The following TCAIM variants were observed in gnomAD, a reference collection of about 807,000 sequenced individuals.
The protein encoded by TCAIM is T cell activation inhibitor, mitochondrial.
A neutral mutation model predicts 58.6 loss-of-function variants in TCAIM; 36 were observed. The ratio of observed to expected loss-of-function variants is 0.61; its 90% CI spans 0.47 to 0.81. The LOEUF is 0.81. Among genes scored for constraint, TCAIM ranks in the 30% least tolerant of loss-of-function variants. TCAIM has a pLI of 0.00. For synonymous variants in TCAIM, 172 were observed against 193.6 expected, an observed-to-expected ratio of 0.89 and a Z score of 0.93; for missense variants, 466 against 579.6, an observed-to-expected ratio of 0.80 and a Z score of 2.01.
At chr3:44,354,631 A>C (rs866339653) in intron 1 of TCAIM, 108 bp from the exon 2 acceptor site, 1 of 694,010 alleles carries the variant, frequency 1.4e-6, no homozygotes, top group Non-Finnish European at 2.3e-6. Context: ...CATATTTTAT[A>C]AGATTAATAA....
At chr3:44,398,991 G>T (rs867022064) in intron 8 of TCAIM, among the ~76,000 whole-genome samples, 4 of 152,226 alleles carry the variant, frequency 2.6e-5, no homozygotes, top group Non-Finnish European at 4.4e-5. Context: ...AGGAAGGAAA[G>T]ATTAGTGGTT....
In TCAIM at chr3:44,407,564, A is replaced by T. The variant is rs780923848; in HGVS notation, c.1373A>T (p.Glu458Val). 56 of 1,613,910 alleles carry T rather than the reference A, an allele frequency of 3.5e-5. No individual in the cohort carries two copies. The highest frequency in any genetic ancestry group is 4.5e-5 in the Non-Finnish European group (53 of 1,179,992). ...GTGGATTGTTGTAAGAGACTTCTAG[A>T]ACAATCACTGCCTTACCTACATGGG... The part of the protein sequence containing the change: ...QMVDCCKRLL[E>V]QSLPYLHGMH... The change falls in exon 11 of 11, where the codon GAA (glutamate) becomes GTA (valine). Residue 458 changes from glutamate (E) to valine (V), a missense_variant. Glu to Val is a moderately radical substitution (Grantham distance 121, BLOSUM62 -2). Transcript: ENST00000342649.
At chr3:44,389,627 G>A (rs966751737) in intron 5 of TCAIM, among the ~76,000 whole-genome samples, 1 of 152,060 alleles carries the variant, frequency 6.6e-6, no homozygotes, top group Non-Finnish European at 1.5e-5. Flanking sequence ...TAGTAGTGAT[G>A]TAAATTAAGA....
chr3:44,398,493 A>G (rs1701973731), intron 8 of TCAIM, among the ~76,000 whole-genome samples: 1 of 151,544 alleles, frequency 6.6e-6, no homozygotes, highest in Admixed American at 6.6e-5. Flanking sequence ...AGATAGATAG[A>G]TAGATAAAAC....
intron 5 of TCAIM, among the ~76,000 whole-genome samples, chr3:44,388,971 G>C (rs1265693441): frequency 6.6e-6 from 1 of 152,194 alleles, no homozygotes; most frequent in Non-Finnish European, 1.5e-5. Flanking sequence ...TCAGTGGCCA[G>C]AGCCAGGAAA....
At chr3:44,364,239 TAAA>T (rs77542917) in intron 4 of TCAIM, among the ~76,000 whole-genome samples, 1 of 141,552 alleles carries the variant, frequency 7.1e-6, no homozygotes. Flanking sequence ...GACTGTCATT[TAAA>T]AAAAAAAAAA....
intron 5 of TCAIM, among the ~76,000 whole-genome samples, chr3:44,372,493 T>C (rs1701494093): frequency 6.6e-6 from 1 of 152,206 alleles, no homozygotes; most frequent in Non-Finnish European, 1.5e-5. Flanking sequence ...TGCTGAATTA[T>C]ATAGTTCAGA....
intron 1 of TCAIM, among the ~76,000 whole-genome samples, chr3:44,351,075 TC>T (rs1701078761): frequency 6.6e-6 from 1 of 152,216 alleles, no homozygotes; most frequent in African/African-American, 2.4e-5. Flanking sequence ...CGATCTCGGC[TC>T]ACTGCAACAT....
chr3:44,383,980 T>G (rs958042190), intron 5 of TCAIM, among the ~76,000 whole-genome samples: 3 of 152,162 alleles, frequency 2.0e-5, no homozygotes, highest in Admixed American at 6.5e-5. Flanking sequence ...TTTACTTGTT[T>G]ATAGGTAATT....
At chr3:44,343,582 T>C (rs138688117) in intron 1 of TCAIM, among the ~76,000 whole-genome samples, 1 of 152,242 alleles carries the variant, frequency 6.6e-6, no homozygotes, top group South Asian at 2.1e-4. Flanking sequence ...TTAACACATC[T>C]CTATTTAGAC....
At chr3:44,339,002 T>C (rs1424734081) in intron 1 of TCAIM, among the ~76,000 whole-genome samples, 168 bp downstream of exon 1, 2 of 152,218 alleles carry the variant, frequency 1.3e-5, no homozygotes, top group African/African-American at 4.8e-5. Flanking sequence ...TTTAACTCGC[T>C]GTGAAATGAG....
chr3:44,354,891 A>G (rs570767910), intron 2 of TCAIM, 80 bp downstream of exon 2: 1 of 1,494,396 alleles, frequency 6.7e-7, no homozygotes, highest in Admixed American at 2.2e-5. Flanking sequence ...TCAGTTTGTT[A>G]TTATTTTTCC....
rs532895762 is a variant in TCAIM at position 44,386,835 on chromosome 3, C to T, written c.573-6020C>T. Among the ~76,000 whole-genome samples the T allele has an allele frequency of 2.8e-4, 43 of 152,340 alleles. 1 individual carries two copies. The highest frequency in any genetic ancestry group is 1.9e-3 in the South Asian group (9 of 4,832). ...GCACAAACAGCCTGGGTACCATGGA[C>T]GGCATGTTGATGGCAGGAGGTAGAT... On this transcript the variant is annotated intron_variant, in intron 5 of 10. Transcript: ENST00000342649.
At chr3:44,397,909 T>G (rs4682977) in intron 8 of TCAIM, among the ~76,000 whole-genome samples, 71,936 of 151,702 alleles carry the variant, frequency 0.47, 18,644 homozygotes, top group East Asian at 0.81. Context: ...ACCGTATATC[T>G]GACAAAGACA....
intron 1 of TCAIM, among the ~76,000 whole-genome samples, chr3:44,342,090 C>T (rs961587016): frequency 6.6e-6 from 1 of 152,016 alleles, no homozygotes; most frequent in Non-Finnish European, 1.5e-5. Flanking sequence ...TTCTTTATTA[C>T]TAGTATTAGA....
rs1702126024 is a variant in TCAIM at position 44,407,911 on chromosome 3, A to G, written c.*229A>G. 3 of 372,622 alleles carry G rather than the reference A, an allele frequency of 8.1e-6. No homozygotes were observed. Among genetic ancestry groups the G allele is most frequent in the Non-Finnish European group, 1.4e-5 (3 of 214,306 alleles). The allele number at this position is 372,622 out of a possible 1,614,324, so 23.1% of individuals were successfully genotyped here. On this transcript the variant is annotated 3_prime_UTR_variant, in exon 11 of 11. Coordinates refer to ENST00000342649, the MANE Select transcript of TCAIM (RefSeq NM_173826.4). ...AGCTACTTAGGGAGGCTAAGATAGGAGGATCACTTGAGCCCAGGAGGCCAA... is the reference window on the plus strand; with the variant it reads ...AGCTACTTAGGGAGGCTAAGATAGGGGGATCACTTGAGCCCAGGAGGCCAA...
chr3:44,357,911 C>G, intron 3 of TCAIM, 35 bp downstream of exon 3: 1 of 1,603,530 alleles, frequency 6.2e-7, no homozygotes, highest in Non-Finnish European at 8.5e-7. Flanking sequence ...CATTAGTGTA[C>G]ATTTCTGCTT....
chr3:44,403,405 G>A (rs568732467), intron 10 of TCAIM, among the ~76,000 whole-genome samples: 1 of 152,280 alleles, frequency 6.6e-6, no homozygotes, highest in South Asian at 2.1e-4. Context: ...TTTCCTTATG[G>A]AATTGATGAC....
At chr3:44,404,065 T>A (rs1235892371) in intron 10 of TCAIM, among the ~76,000 whole-genome samples, 1 of 152,138 alleles carries the variant, frequency 6.6e-6, no homozygotes, top group African/African-American at 2.4e-5. Flanking sequence ...CTTTTTATAG[T>A]CCTCGGGCAC....
Sources: allele counts gnomAD v4.1 joint callset (sites outside exome capture counted in the v4.1 genomes callset), GRCh38; gene constraint gnomAD v4.1.1; transcripts MANE v1.5; gene names NCBI Gene and HGNC (gene_info 2026-07-23, HGNC 2026-07-21).